STAG1: variants seen among roughly 807,000 people sequenced by gnomAD.
STAG1 encodes cohesin subunit SA-1.
STAG1 carries 26 observed loss-of-function variants against 170.9 expected under a neutral mutation model. The observed-to-expected ratio is 0.15, with a 90% CI of 0.11 to 0.21. The LOEUF (loss-of-function observed/expected upper bound fraction) is 0.21. Among genes scored for constraint, STAG1 ranks in the 10% least tolerant of loss-of-function variants. The pLI, the probability that STAG1 is intolerant of heterozygous loss-of-function variation, is 1.00. For synonymous variants in STAG1, 514 were observed against 497.7 expected (o/e 1.03, Z -0.44); for missense variants, 964 against 1,509.5 (o/e 0.64, Z 5.99).
intron 22 of STAG1, among the ~76,000 whole-genome samples, chr3:136,391,015 T>C (rs1400346472): frequency 6.6e-6 from 1 of 152,218 alleles, no homozygotes; most frequent in Non-Finnish European, 1.5e-5. Context: ...TCCAGTCTGT[T>C]TGCAGGTCAA....
At chr3:136,476,580 G>T (rs1207229664) in intron 10 of STAG1, among the ~76,000 whole-genome samples, 1 of 152,112 alleles carries the variant, frequency 6.6e-6, no homozygotes, top group Admixed American at 6.6e-5. Context: ...GTCACCACAG[G>T]AACTTCTTAA....
chr3:136,414,447 G>A (rs2087715858), intron 21 of STAG1, among the ~76,000 whole-genome samples: 1 of 152,166 alleles, frequency 6.6e-6, no homozygotes, highest in African/African-American at 2.4e-5. Context: ...GTTTGAGCAG[G>A]AGATAGCAGC....
At chr3:136,570,686 T>C (rs1937242088) in intron 4 of STAG1, among the ~76,000 whole-genome samples, 1 of 152,248 alleles carries the variant, frequency 6.6e-6, no homozygotes, top group Non-Finnish European at 1.5e-5. Context: ...GATTTTCAGA[T>C]GCTCTACATC....
chr3:136,717,253 A>G (rs954030856), intron 1 of STAG1, among the ~76,000 whole-genome samples: 2 of 152,262 alleles, frequency 1.3e-5, no homozygotes, highest in African/African-American at 2.4e-5. Context: ...TGAGGCTCAA[A>G]AAAGCAGAGC....
At chr3:136,598,278 G>A (rs894729971) in intron 4 of STAG1, among the ~76,000 whole-genome samples, 1 of 151,428 alleles carries the variant, frequency 6.6e-6, no homozygotes, top group Non-Finnish European at 1.5e-5. Flanking sequence ...CTTTTTTCTA[G>A]TTTCTTTTGC....
chr3:136,741,589 C>T (rs574182637), intron 1 of STAG1, among the ~76,000 whole-genome samples: 2 of 152,308 alleles, frequency 1.3e-5, no homozygotes, highest in Non-Finnish European at 2.9e-5. Flanking sequence ...CTGCCTCAGC[C>T]TTTTAAGTAG....
intron 5 of STAG1, among the ~76,000 whole-genome samples, chr3:136,564,903 T>C (rs1019373499): frequency 3.4e-5 from 5 of 148,820 alleles, no homozygotes; most frequent in Admixed American, 6.8e-5. Flanking sequence ...GAAGGAAACA[T>C]AGAGGTAAAT....
At chr3:136,712,572 T>C (rs994778672) in intron 1 of STAG1, among the ~76,000 whole-genome samples, 7 of 152,156 alleles carry the variant, frequency 4.6e-5, no homozygotes, top group Non-Finnish European at 1.0e-4. Flanking sequence ...CCAGAGATAG[T>C]GCAAATTAAA....
intron 5 of STAG1, among the ~76,000 whole-genome samples, chr3:136,555,099 T>C (rs1185709707): frequency 6.8e-6 from 1 of 147,712 alleles, no homozygotes. Context: ...TATATATTTA[T>C]AATATATATA....
rs773564161 is a variant in STAG1, at chr3:136,338,460, G to T, written c.3673-10C>A. 5 of 1,610,866 alleles carry T rather than the reference G, an allele frequency of 3.1e-6. No homozygotes were observed. The highest frequency in any genetic ancestry group is 1.3e-5 in the African/African-American group (1 of 74,846). ...GATTTCTTGATGGAGGCTGGAAAGAGAAATCGGTTTCTTAATTTTTTTCTG... is the reference window on the plus strand; with the variant it reads ...GATTTCTTGATGGAGGCTGGAAAGATAAATCGGTTTCTTAATTTTTTTCTG... On this transcript the variant is annotated splice_polypyrimidine_tract_variant and intron_variant, in intron 32 of 33. Coordinates refer to ENST00000383202, the MANE Select transcript of STAG1 (RefSeq NM_005862.3).
At chr3:136,691,990 G>T (rs1478581888) in intron 1 of STAG1, among the ~76,000 whole-genome samples, 1 of 152,108 alleles carries the variant, frequency 6.6e-6, no homozygotes, top group Non-Finnish European at 1.5e-5. Context: ...TCACTGGTTT[G>T]AACAACAAGG....
chr3:136,688,365 G>C (rs1942608415), intron 1 of STAG1, among the ~76,000 whole-genome samples: 1 of 152,108 alleles, frequency 6.6e-6, no homozygotes, highest in African/African-American at 2.4e-5. Flanking sequence ...AGTGCACTAA[G>C]CAAAGATCGT....
At chr3:136,692,403 G>A (rs1942757452) in intron 1 of STAG1, among the ~76,000 whole-genome samples, 2 of 150,742 alleles carry the variant, frequency 1.3e-5, no homozygotes, top group Admixed American at 6.6e-5. Flanking sequence ...GGGAGGCCAA[G>A]GTGGGCAGAT....
chr3:136,527,219 T>C (rs1935081291), intron 6 of STAG1, among the ~76,000 whole-genome samples: 2 of 152,226 alleles, frequency 1.3e-5, no homozygotes, highest in African/African-American at 4.8e-5. Flanking sequence ...CCCTGTCACT[T>C]TCAGGTACAC....
intron 21 of STAG1, 32 bp downstream of exon 21, chr3:136,417,852 AG>A: frequency 6.5e-7 from 1 of 1,538,580 alleles, no homozygotes; most frequent in Non-Finnish European, 9.0e-7. Context: ...AACTTTCTAG[AG>A]TCATACAGAA....
At chr3:136,411,444 C>T (rs1001054843) in intron 21 of STAG1, among the ~76,000 whole-genome samples, 1 of 151,872 alleles carries the variant, frequency 6.6e-6, no homozygotes, top group Non-Finnish European at 1.5e-5. Context: ...TTTAAATATA[C>T]CTTGACTTTA....
chr3:136,725,279 G>GGGGT (rs1553772570), intron 1 of STAG1, among the ~76,000 whole-genome samples: 26 of 150,790 alleles, frequency 1.7e-4, no homozygotes, highest in African/African-American at 5.8e-4. Flanking sequence ...AAATTATACG[G>GGGGT]GTGTGTGTGT....
chr3:136,715,517 G>A (rs917737345), intron 1 of STAG1, among the ~76,000 whole-genome samples: 2 of 152,158 alleles, frequency 1.3e-5, no homozygotes, highest in Admixed American at 6.5e-5. Context: ...CTACTTAGGA[G>A]GCTGAGGCAG....
intron 3 of STAG1, among the ~76,000 whole-genome samples, chr3:136,615,968 T>C (rs1271569105): frequency 6.6e-6 from 1 of 151,706 alleles, no homozygotes. Flanking sequence ...AGTGAGCTTA[T>C]AAAGTAAAAG....
Sources: allele counts gnomAD v4.1 joint callset (sites outside exome capture counted in the v4.1 genomes callset), GRCh38; gene constraint gnomAD v4.1.1; transcripts MANE v1.5; gene names NCBI Gene and HGNC (gene_info 2026-07-23, HGNC 2026-07-21).